The following KLRG1 variants were observed in gnomAD, a reference collection of about 807,000 sequenced individuals.
KLRG1 encodes the protein killer cell lectin like receptor G1, also known as killer cell lectin-like receptor subfamily G member 1.
A neutral mutation model predicts 21.8 loss-of-function variants in KLRG1; 16 were observed. The ratio of observed to expected loss-of-function variants is 0.73; its 90% CI spans 0.50 to 1.11. The LOEUF (loss-of-function observed/expected upper bound fraction) is 1.11, where lower values mean the gene tolerates loss of function less well. Ranked by LOEUF, KLRG1 falls within the 50% of genes most tolerant of loss-of-function variation. KLRG1 has a pLI of 0.00. For synonymous variants in KLRG1, 69 were observed against 75.9 expected, an observed-to-expected ratio of 0.91 and a Z score of 0.47; for missense variants, 173 against 218.3, an observed-to-expected ratio of 0.79 and a Z score of 1.31.
chr12:9,133,509 G>T, the KLRG1 span, among the ~76,000 whole-genome samples: 1 of 152,162 alleles, frequency 6.6e-6, no homozygotes, highest in Non-Finnish European at 1.5e-5. Flanking sequence ...AATTCCATAT[G>T]ATGATAAATG....
chr12:9,129,317 A>G, the KLRG1 span, among the ~76,000 whole-genome samples: 5 of 152,176 alleles, frequency 3.3e-5, no homozygotes, highest in East Asian at 3.8e-4. Flanking sequence ...TGGTGACTAC[A>G]TAAGTACAAA....
At chr12:9,153,122 T>C in the KLRG1 span, 3 of 1,613,756 alleles carry the variant, frequency 1.9e-6, no homozygotes, top group African/African-American at 4.0e-5. Context: ...CTTGGAGCCC[T>C]ACCTGAAGAT....
intron 1 of KLRG1, among the ~76,000 whole-genome samples, chr12:8,965,170 A>G (rs1003312461): frequency 7.9e-5 from 12 of 152,222 alleles, no homozygotes; most frequent in Non-Finnish European, 1.5e-4. Context: ...TAAATTAGGT[A>G]TTGATGGGAT....
At chr12:9,156,865 C>G in the KLRG1 span, among the ~76,000 whole-genome samples, 2 of 152,090 alleles carry the variant, frequency 1.3e-5, no homozygotes, top group Middle Eastern at 3.4e-3. Context: ...GCTGTTTGCT[C>G]TCACCTTTTT....
the KLRG1 span, among the ~76,000 whole-genome samples, chr12:9,046,810 A>G: frequency 6.6e-6 from 1 of 152,222 alleles, no homozygotes; most frequent in African/African-American, 2.4e-5. Flanking sequence ...AAGGGAGAGC[A>G]TTTAAAGTCT....
At chr12:9,043,925 GAAC>G in the KLRG1 span, among the ~76,000 whole-genome samples, 1 of 152,202 alleles carries the variant, frequency 6.6e-6, no homozygotes, top group South Asian at 2.1e-4. Flanking sequence ...GGGAGAGAGA[GAAC>G]AAGCAGTCTC....
At chr12:9,178,871 T>C in the KLRG1 span, among the ~76,000 whole-genome samples, 12 of 152,102 alleles carry the variant, frequency 7.9e-5, no homozygotes, top group African/African-American at 2.7e-4. Context: ...TTTTGATAAT[T>C]AAAAATAGGA....
chr12:9,178,296 CCT>C, the KLRG1 span, among the ~76,000 whole-genome samples: 1 of 152,136 alleles, frequency 6.6e-6, no homozygotes, highest in South Asian at 2.1e-4. Flanking sequence ...GGATATGAAT[CCT>C]CTGTTTTTCT....
At position 8,976,715 on chromosome 12, in the gene KLRG1, C is replaced by T. The variant is rs111803801; in HGVS notation, c.-155-15491C>T. On this transcript the variant is annotated intron_variant, in intron 1 of 4. Coordinates refer to the KLRG1 transcript ENST00000539240. ...GACCTTTTTATCAATATAAAATTAC[C>T]TTTTTTCTTTAGAGGATGTTTTTGA... Among the ~76,000 whole-genome samples, 883 of 151,398 alleles carry T rather than the reference C, an allele frequency of 5.8e-3. 11 individuals are homozygous for T. Among genetic ancestry groups the T allele is most frequent in the African/African-American group, 0.02 (808 of 41,296 alleles).
chr12:9,050,593 G>A, the KLRG1 span, among the ~76,000 whole-genome samples: 1 of 152,274 alleles, frequency 6.6e-6, no homozygotes, highest in East Asian at 1.9e-4. Context: ...GCCCAAATGC[G>A]CTTGTGGATA....
the KLRG1 span, among the ~76,000 whole-genome samples, chr12:9,141,152 A>G: frequency 6.6e-6 from 1 of 152,190 alleles, no homozygotes; most frequent in African/African-American, 2.4e-5. Flanking sequence ...TTAACATAAC[A>G]ATTATAATTA....
At chr12:9,104,270 G>A in the KLRG1 span, 7 of 1,612,684 alleles carry the variant, frequency 4.3e-6, no homozygotes, top group Admixed American at 8.4e-5. Flanking sequence ...CATAACATTG[G>A]TGGTGTTGAT....
the KLRG1 span, chr12:9,112,153 A>G: frequency 1.9e-6 from 3 of 1,613,378 alleles, no homozygotes; most frequent in Non-Finnish European, 2.5e-6. Context: ...ATAATAGAAA[A>G]CTCACCAACT....
chr12:9,010,713 G>A lies in KLRG1; in HGVS notation c.*1176G>A, dbSNP rs956002489. 1 of 152,092 alleles carries A rather than the reference G, an allele frequency of 6.6e-6. No homozygotes were observed. 9.4% of individuals were successfully genotyped at this position (152,092 alleles called of 1,614,324 possible). ...ATACCTAAGATAGTGCTTACGTTCA[G>A]TGACTATTAAATAAATAAATGGATG... On this transcript the variant is annotated 3_prime_UTR_variant, in exon 5 of 5. Coordinates refer to ENST00000356986, the MANE Select transcript of KLRG1 (RefSeq NM_005810.4).
At chr12:9,101,368 T>C in the KLRG1 span, 2 of 1,362,556 alleles carry the variant, frequency 1.5e-6, no homozygotes, top group East Asian at 2.5e-5. Context: ...AGTAATGACA[T>C]CTAAAGAGCT....
the KLRG1 span, chr12:9,029,035 C>T: frequency 5.3e-6 from 3 of 561,758 alleles, no homozygotes; most frequent in Admixed American, 6.8e-5. Context: ...CTCAACCATC[C>T]AATGAAGAGC....
At chr12:8,996,069 A>T (rs1418820797) in intron 3 of KLRG1, among the ~76,000 whole-genome samples, 2 of 152,194 alleles carry the variant, frequency 1.3e-5, no homozygotes, top group Non-Finnish European at 2.9e-5. Flanking sequence ...TTCTTTTAAA[A>T]AGTTTTCCCT....
At chr12:9,082,126 G>A in the KLRG1 span, among the ~76,000 whole-genome samples, 2 of 152,180 alleles carry the variant, frequency 1.3e-5, no homozygotes, top group African/African-American at 4.8e-5. Context: ...AGTCTAAAGG[G>A]TAGCTCAACT....
chr12:9,034,495 G>C, the KLRG1 span, among the ~76,000 whole-genome samples: 1 of 151,916 alleles, frequency 6.6e-6, no homozygotes, highest in Admixed American at 6.6e-5. Context: ...ACCCAGGCTG[G>C]AGTGCAATGG....
Sources: gnomAD v4.1 joint callset for allele counts (sites outside exome capture counted in the v4.1 genomes callset) on GRCh38, gnomAD v4.1.1 for gene constraint, MANE v1.5 for transcripts, NCBI Gene and HGNC (gene_info 2026-07-23, HGNC 2026-07-21) for gene names.